The following TMEM132D variants were observed in gnomAD, a reference collection of about 807,000 sequenced individuals.
The protein encoded by TMEM132D is transmembrane protein 132D, also known as mature OL transmembrane protein.
In TMEM132D, 21 loss-of-function variants were observed where a neutral mutation model predicts 62.3. The ratio of observed to expected loss-of-function variants is 0.34; its 90% CI spans 0.24 to 0.49. The LOEUF is 0.49. Among genes scored for constraint, TMEM132D ranks in the 20% least tolerant of loss-of-function variants. The probability of loss-of-function intolerance (pLI) is 0.99; values close to 1 mark genes in which losing one functional copy is unlikely to be tolerated. For missense variants in TMEM132D, 1,346 were observed against 1,402.8 expected (o/e 0.96, Z 0.65); for synonymous variants, 621 against 575.6 (o/e 1.08, Z -1.13).
At chr12:129,086,760 A>C (rs114859376) in intron 5 of TMEM132D, among the ~76,000 whole-genome samples, 3,250 of 149,790 alleles carry the variant, frequency 0.022, 117 homozygotes, top group African/African-American at 0.075. Context: ...ATTGTATATA[A>C]ATTTGAAATA....
chr12:129,567,442 TA>T (rs1244209900), intron 2 of TMEM132D, among the ~76,000 whole-genome samples: 15 of 152,206 alleles, frequency 9.9e-5, no homozygotes, highest in Middle Eastern at 3.2e-3. Context: ...AGTGTAGTAT[TA>T]AAAAAGTATA....
Position 129,073,600 on chromosome 12 carries a change from A to G in TMEM132D, c.*275T>C, listed in dbSNP as rs1425366481. The G allele has an allele frequency of 2.8e-5, 10 of 356,904 alleles. No homozygotes were observed. Among genetic ancestry groups the G allele is most frequent in the Non-Finnish European group, 3.5e-5 (7 of 198,754 alleles). 22.1% of individuals were successfully genotyped at this position (356,904 alleles called of 1,614,324 possible). The stretch of plus-strand genomic sequence containing the variant: ...GCTGTTCTTTCCTGGACGCTCTCAG[A>G]CGCTCAGTGATTCAGAACTCGTTTT... On this transcript the variant is annotated 3_prime_UTR_variant, in exon 9 of 9. Coordinates refer to ENST00000422113, the MANE Select transcript of TMEM132D (RefSeq NM_133448.3).
intron 2 of TMEM132D, among the ~76,000 whole-genome samples, chr12:129,571,572 C>CA (rs997930201): frequency 7.4e-4 from 111 of 149,722 alleles, no homozygotes; most frequent in African/African-American, 1.7e-3. Context: ...GACTCCATCT[C>CA]AAAAAAAATA....
chr12:129,357,973 T>C (rs750946566), intron 3 of TMEM132D, among the ~76,000 whole-genome samples: 2 of 152,238 alleles, frequency 1.3e-5, no homozygotes, highest in African/African-American at 2.4e-5. Flanking sequence ...AGTTTCCCAT[T>C]ACTGACATCC....
At chr12:129,748,065 G>T (rs1869874411) in intron 1 of TMEM132D, among the ~76,000 whole-genome samples, 1 of 152,180 alleles carries the variant, frequency 6.6e-6, no homozygotes, top group Non-Finnish European at 1.5e-5. Flanking sequence ...TTGGTGCATG[G>T]TACCTGCTTG....
chr12:129,628,228 GA>G (rs778312751), intron 2 of TMEM132D, among the ~76,000 whole-genome samples: 26 of 152,272 alleles, frequency 1.7e-4, no homozygotes, highest in Non-Finnish European at 3.2e-4. Flanking sequence ...CATGACTTTA[GA>G]ATGTGTACTT....
At chr12:129,415,318 T>C (rs532153383) in intron 3 of TMEM132D, among the ~76,000 whole-genome samples, 1 of 152,304 alleles carries the variant, frequency 6.6e-6, no homozygotes, top group Admixed American at 6.5e-5. Context: ...TTTCCCCACA[T>C]CGTCACCAAC....
At chr12:129,149,825 C>G (rs1030657449) in intron 5 of TMEM132D, among the ~76,000 whole-genome samples, 1 of 152,158 alleles carries the variant, frequency 6.6e-6, no homozygotes, top group Non-Finnish European at 1.5e-5. Flanking sequence ...GGCAGATAGA[C>G]AGCGGAAATA....
chr12:129,427,658 G>T (rs976769490), intron 3 of TMEM132D, among the ~76,000 whole-genome samples: 1 of 151,770 alleles, frequency 6.6e-6, no homozygotes, highest in Admixed American at 6.6e-5. Context: ...TTAGTAAAAG[G>T]TAAAACTAAA....
chr12:129,084,400 A>C, intron 6 of TMEM132D, 97 bp downstream of exon 6: 2 of 1,226,668 alleles, frequency 1.6e-6, no homozygotes, highest in Non-Finnish European at 2.2e-6. Flanking sequence ...CTTGGTCCTT[A>C]GGGTACCACA....
At chr12:129,784,520 C>T (rs1373597490) in intron 1 of TMEM132D, among the ~76,000 whole-genome samples, 1 of 152,102 alleles carries the variant, frequency 6.6e-6, no homozygotes, top group African/African-American at 2.4e-5. Flanking sequence ...CTTTGCATGC[C>T]TTAGGGCTAA....
Position 129,100,273 on chromosome 12 carries a change from G to A in TMEM132D, c.1444-15571C>T, listed in dbSNP as rs1875257926. ...GCCAGGCTGGTAACTCCTGACCTCA[G>A]GTGATCCACCTGCCTTGGCCTTCCC... On this transcript the variant is annotated intron_variant, in intron 5 of 8. Transcript: ENST00000422113. 1.3e-5 allele frequency among the ~76,000 whole-genome samples: 2 copies of A among 152,254 alleles called. 1 individual carries two copies. Among genetic ancestry groups the A allele is most frequent in the South Asian group, 4.1e-4 (2 of 4,826 alleles).
At chr12:129,482,990 TGG>T (rs1049633292) in intron 3 of TMEM132D, among the ~76,000 whole-genome samples, 7 of 137,414 alleles carry the variant, frequency 5.1e-5, no homozygotes, top group African/African-American at 1.9e-4. Flanking sequence ...TGTGTGTGTG[TGG>T]AAGAGGATGC....
intron 4 of TMEM132D, among the ~76,000 whole-genome samples, chr12:129,233,610 T>G (rs908783989): frequency 4.6e-5 from 7 of 152,094 alleles, no homozygotes; most frequent in African/African-American, 1.7e-4. Flanking sequence ...TTTTTATTTT[T>G]TAACTTTTAA....
chr12:129,258,254 T>C (rs1880460372), intron 4 of TMEM132D, among the ~76,000 whole-genome samples: 1 of 152,132 alleles, frequency 6.6e-6, no homozygotes, highest in Admixed American at 6.5e-5. Context: ...ATAATCTATG[T>C]ATAGCAGATA....
rs1294580356 is a variant in TMEM132D at position 129,883,235 on chromosome 12, A to C, written c.79+20026T>G. ...CTCAATTGCATATCTATAAAATTGC[A>C]ATAAAGAATTATAAATTCAAATTTT... On this transcript the variant is annotated intron_variant, in intron 1 of 8. Transcript: ENST00000422113. Among the ~76,000 whole-genome samples the C allele has an allele frequency of 2.0e-5, 3 of 152,360 alleles. No homozygotes were observed. The East Asian group carries it at 5.8e-4, about 29-fold the overall frequency.
At chr12:129,762,347 G>T (rs772997852) in intron 1 of TMEM132D, among the ~76,000 whole-genome samples, 2 of 151,718 alleles carry the variant, frequency 1.3e-5, no homozygotes, top group Admixed American at 6.6e-5. Flanking sequence ...TGGGCAGATT[G>T]AATTTTTTAA....
intron 3 of TMEM132D, among the ~76,000 whole-genome samples, chr12:129,340,964 A>G (rs1479724534): frequency 1.3e-5 from 2 of 152,166 alleles, no homozygotes; most frequent in Non-Finnish European, 2.9e-5. Flanking sequence ...GTTCATCTAC[A>G]GTACGATTAT....
chr12:129,183,132 C>T lies in TMEM132D; in HGVS notation c.1443+26388G>A, dbSNP rs1032942559. 1.1e-4 allele frequency among the ~76,000 whole-genome samples: 17 copies of T among 152,154 alleles called. No individual in the cohort carries two copies. The East Asian group carries it at 1.3e-3, about 12-fold the overall frequency. ...ATTACGTGTGTTCATATCCCTCTGA[C>T]CAAAGCGGGCCAGGCCACATGGCCA... is the stretch of plus-strand genomic sequence containing the variant. On this transcript the variant is annotated intron_variant, in intron 5 of 8. Coordinates refer to ENST00000422113, the MANE Select transcript of TMEM132D (RefSeq NM_133448.3).
Sources: allele counts gnomAD v4.1 joint callset (sites outside exome capture counted in the v4.1 genomes callset), GRCh38; gene constraint gnomAD v4.1.1; transcripts MANE v1.5; gene names NCBI Gene and HGNC (gene_info 2026-07-23, HGNC 2026-07-21).